Variants in CLASP2 observed in about 807,000 individuals in gnomAD.
CLASP2 encodes cytoplasmic linker associated protein 2.
CLASP2 carries 47 observed loss-of-function variants against 194.4 expected under a neutral mutation model. The observed-to-expected ratio is 0.24, with a 90% CI of 0.19 to 0.31. The LOEUF (loss-of-function observed/expected upper bound fraction) is 0.31. CLASP2 is among the 10% of genes least tolerant of loss of function. The probability of loss-of-function intolerance (pLI) is 1.00; values close to 1 mark genes in which losing one functional copy is unlikely to be tolerated. For missense variants in CLASP2, 1,445 were observed against 1,823.6 expected (o/e 0.79, Z 3.78); for synonymous variants, 619 against 633.5 (o/e 0.98, Z 0.34).
At chr3:33,582,380 T>C (rs2066349379) in intron 22 of CLASP2, among the ~76,000 whole-genome samples, 1 of 152,124 alleles carries the variant, frequency 6.6e-6, no homozygotes, top group African/African-American at 2.4e-5. Flanking sequence ...AAATGCCAGG[T>C]GCAGTGGCTC....
Position 33,622,286 on chromosome 3 carries a change from A to G in CLASP2, c.1036-6T>C. 1 of 1,456,360 alleles carries G rather than the reference A, an allele frequency of 6.9e-7. No individual in the cohort carries two copies. Among genetic ancestry groups the G allele is most frequent in the Non-Finnish European group, 9.1e-7 (1 of 1,097,368 alleles). 90.2% of individuals were successfully genotyped at this position (1,456,360 alleles called of 1,614,324 possible). On this transcript the variant is annotated splice_polypyrimidine_tract_variant and splice_region_variant and intron_variant, in intron 10 of 38. Transcript: ENST00000682230. ...AGTGATCGAATTTTCTTCAGCTGAA[A>G]TAAAGAATTTTCATTATTGACAAAA... is the stretch of plus-strand genomic sequence containing the variant.
intron 4 of CLASP2, among the ~76,000 whole-genome samples, chr3:33,687,908 G>T (rs148353466): frequency 6.6e-6 from 1 of 152,282 alleles, no homozygotes; most frequent in Non-Finnish European, 1.5e-5. Flanking sequence ...TGCTCTAGGG[G>T]TAGGGTGGGG....
chr3:33,574,864 G>C (rs1221309165), intron 24 of CLASP2, among the ~76,000 whole-genome samples: 2 of 152,110 alleles, frequency 1.3e-5, no homozygotes, highest in East Asian at 1.9e-4. Context: ...GTTGTAAGTG[G>C]AACTTCTGTG....
At chr3:33,511,280 TC>T (rs1400529047) in intron 36 of CLASP2, among the ~76,000 whole-genome samples, 2 of 152,108 alleles carry the variant, frequency 1.3e-5, no homozygotes, top group Non-Finnish European at 2.9e-5. Flanking sequence ...GCTCCAGCAA[TC>T]CTCCTGCCTC....
chr3:33,548,896 T>G (rs2154156016), intron 30 of CLASP2, among the ~76,000 whole-genome samples: 1 of 151,324 alleles, frequency 6.6e-6, no homozygotes, highest in South Asian at 2.1e-4. Flanking sequence ...GTCTCTTGAG[T>G]ATCTGGGACT....
intron 2 of CLASP2, among the ~76,000 whole-genome samples, chr3:33,690,784 C>T (rs963810755): frequency 6.6e-6 from 1 of 152,158 alleles, no homozygotes; most frequent in Non-Finnish European, 1.5e-5. Context: ...GTCCAACATA[C>T]CCGCACTGTT....
At chr3:33,541,089 C>G (rs1457114173) in intron 32 of CLASP2, among the ~76,000 whole-genome samples, 1 of 152,124 alleles carries the variant, frequency 6.6e-6, no homozygotes, top group Non-Finnish European at 1.5e-5. Context: ...GTGGCAATTC[C>G]TCAAAGACCT....
intron 14 of CLASP2, 80 bp from the exon 15 acceptor site, chr3:33,607,541 C>T: frequency 1.2e-6 from 1 of 847,514 alleles, no homozygotes; most frequent in Middle Eastern, 2.7e-4. Context: ...CTATATGTTA[C>T]ATATTAATCA....
chr3:33,641,884 CTATT>C (rs2081369819), intron 8 of CLASP2, among the ~76,000 whole-genome samples: 1 of 151,806 alleles, frequency 6.6e-6, no homozygotes, highest in Non-Finnish European at 1.5e-5. Context: ...TCACATCTAT[CTATT>C]TATTATATAC....
Position 33,560,822 on chromosome 3 carries a change from G to T in CLASP2, c.2916C>A (p.Ala972=). The stretch of plus-strand genomic sequence containing the variant: ...AAAAATATTACCTTGTAACATCAAG[G>T]GCTTTCTGAACTTTTGCCTGAACAG... The part of the protein sequence containing the change: ...LGSVQAKVQK[A]LDVTRESFPN... The change falls in exon 28 of 39, where the codon GCC becomes GCA. Residue 972 remains alanine (A), a synonymous_variant. Coordinates refer to ENST00000682230, the MANE Select transcript of CLASP2 (RefSeq NM_001365631.1). 6.2e-7 allele frequency: 1 copy of T among 1,613,364 alleles called. No individual in the cohort carries two copies. The highest frequency in any genetic ancestry group is 1.1e-5 in the South Asian group (1 of 90,986).
At chr3:33,666,748 T>C (rs968329043) in intron 6 of CLASP2, among the ~76,000 whole-genome samples, 3 of 152,242 alleles carry the variant, frequency 2.0e-5, no homozygotes, top group Non-Finnish European at 4.4e-5. Context: ...CTAGGTTATA[T>C]GATAATTCTA....
intron 18 of CLASP2, among the ~76,000 whole-genome samples, chr3:33,598,057 T>C (rs1049094166): frequency 6.6e-6 from 1 of 152,078 alleles, no homozygotes; most frequent in African/African-American, 2.4e-5. Flanking sequence ...CCAGCCCACA[T>C]TGCTCTATTT....
chr3:33,498,867 G>A, intron 38 of CLASP2, 150 bp from the exon 39 acceptor site: 11 of 437,380 alleles, frequency 2.5e-5, no homozygotes, highest in South Asian at 2.1e-4. Flanking sequence ...TTGATAATTA[G>A]GAATAACAAA....
intron 25 of CLASP2, among the ~76,000 whole-genome samples, chr3:33,572,582 A>T (rs1028015381): frequency 6.6e-6 from 1 of 152,168 alleles, no homozygotes; most frequent in Non-Finnish European, 1.5e-5. Flanking sequence ...GGAAAAAACA[A>T]GCTAATACCA....
intron 6 of CLASP2, among the ~76,000 whole-genome samples, chr3:33,684,074 T>G (rs2154344849): frequency 6.6e-6 from 1 of 151,016 alleles, no homozygotes; most frequent in South Asian, 2.1e-4. Context: ...AAAAACCCCG[T>G]CTCTACTAAA....
chr3:33,687,272 G>A (rs755405664), intron 4 of CLASP2, 137 bp from the exon 5 acceptor site: 3 of 560,452 alleles, frequency 5.4e-6, no homozygotes, highest in Non-Finnish European at 9.5e-6. Context: ...AAACATGAAG[G>A]ATATGAGACA....
At chr3:33,706,970 C>CA (rs1246564044) in intron 1 of CLASP2, among the ~76,000 whole-genome samples, 2 of 151,912 alleles carry the variant, frequency 1.3e-5, no homozygotes, top group Non-Finnish European at 2.9e-5. Flanking sequence ...GACCCTGTCT[C>CA]AAAAAATAAA....
chr3:33,697,528 T>G (rs889761231), intron 1 of CLASP2, among the ~76,000 whole-genome samples: 1 of 152,246 alleles, frequency 6.6e-6, no homozygotes, highest in African/African-American at 2.4e-5. Context: ...TATTATAATC[T>G]TATGGGACCA....
chr3:33,581,810 C>T lies in CLASP2; in HGVS notation c.2347+11G>A, dbSNP rs751667191. On this transcript the variant is annotated intron_variant, in intron 23 of 38. Transcript: ENST00000682230. ...ATAAGCAATGCACATAACACCTGCC[C>T]GAATACGTACCGAGGGGCTGAAAAG... The T allele has an allele frequency of 5.0e-6, 8 of 1,599,746 alleles. No homozygotes were observed. The highest frequency in any genetic ancestry group is 1.3e-5 in the African/African-American group (1 of 74,632).
Sources: allele counts gnomAD v4.1 joint callset (sites outside exome capture counted in the v4.1 genomes callset), GRCh38; gene constraint gnomAD v4.1.1; transcripts MANE v1.5; gene names NCBI Gene and HGNC (gene_info 2026-07-23, HGNC 2026-07-21).